HS3ST5: variants seen among roughly 807,000 people sequenced by gnomAD.
The protein encoded by HS3ST5 is heparan sulfate-glucosamine 3-sulfotransferase 5.
HS3ST5 carries 10 observed loss-of-function variants against 25.4 expected under a neutral mutation model. The ratio of observed to expected loss-of-function variants is 0.39; its 90% CI spans 0.24 to 0.67. The LOEUF (loss-of-function observed/expected upper bound fraction) is 0.67. Ranked by LOEUF, HS3ST5 falls within the 30% of genes least tolerant of loss-of-function variation. The pLI, the probability that HS3ST5 is intolerant of heterozygous loss-of-function variation, is 0.44. For missense variants in HS3ST5, 324 were observed against 420.7 expected, an observed-to-expected ratio of 0.77 and a Z score of 2.01; for synonymous variants, 170 against 162.4, an observed-to-expected ratio of 1.05 and a Z score of -0.36.
In HS3ST5 at chr6:114,329,328, G is replaced by A. The variant is rs943897063; in HGVS notation, c.-339+12867C>T. On this transcript the variant is annotated intron_variant, in intron 1 of 4. Transcript: ENST00000312719. ...AAATCAAAAGAAATTCATGGTGTTT[G>A]CATGTAATATTAATTTATCTAACTG... Among the ~76,000 whole-genome samples, 8 of 152,276 alleles carry A rather than the reference G, an allele frequency of 5.3e-5. No homozygotes were observed. In the East Asian group the frequency reaches 1.5e-3, roughly 29 times the overall value.
At chr6:114,073,218 G>A (rs1392142129) in intron 3 of HS3ST5, among the ~76,000 whole-genome samples, 3 of 152,278 alleles carry the variant, frequency 2.0e-5, no homozygotes, top group Middle Eastern at 3.4e-3. Context: ...TACCATTCAG[G>A]ACATAGGCAT....
chr6:114,104,135 A>G (rs550707226), intron 3 of HS3ST5, among the ~76,000 whole-genome samples: 20 of 152,294 alleles, frequency 1.3e-4, no homozygotes, highest in Non-Finnish European at 2.5e-4. Context: ...ATAAGCTACA[A>G]AAATCATGAC....
chr6:114,329,928 G>A (rs1259232671), intron 1 of HS3ST5, among the ~76,000 whole-genome samples: 1 of 152,098 alleles, frequency 6.6e-6, no homozygotes, highest in Admixed American at 6.6e-5. Context: ...TTTTTCAGAT[G>A]GAAATAATGA....
chr6:114,281,101 A>G (rs1398769960), intron 1 of HS3ST5, among the ~76,000 whole-genome samples: 4 of 152,004 alleles, frequency 2.6e-5, no homozygotes, highest in Non-Finnish European at 1.5e-5. Context: ...ATAAGAAGAT[A>G]TATTCTAGGA....
chr6:114,240,206 G>C (rs1772047274), intron 1 of HS3ST5, among the ~76,000 whole-genome samples: 1 of 152,104 alleles, frequency 6.6e-6, no homozygotes. Flanking sequence ...TCCCCTGCAC[G>C]CTTCCTGACC....
chr6:114,300,848 T>C (rs1035026885), intron 1 of HS3ST5, among the ~76,000 whole-genome samples: 5 of 152,186 alleles, frequency 3.3e-5, no homozygotes, highest in Admixed American at 3.3e-4. Flanking sequence ...ATGCATGCTA[T>C]AACAAGGGTG....
At chr6:114,182,379 T>C (rs1780013597) in intron 2 of HS3ST5, among the ~76,000 whole-genome samples, 1 of 152,176 alleles carries the variant, frequency 6.6e-6, no homozygotes, top group Non-Finnish European at 1.5e-5. Flanking sequence ...TTACTTTCTT[T>C]AAAAGGTCAG....
At chr6:114,252,906 G>C (rs1322783557) in intron 1 of HS3ST5, among the ~76,000 whole-genome samples, 2 of 152,016 alleles carry the variant, frequency 1.3e-5, no homozygotes, top group African/African-American at 4.8e-5. Flanking sequence ...TAAGTTAAAA[G>C]AAACAGGTAG....
chr6:114,292,218 T>G (rs1412226337), intron 1 of HS3ST5, among the ~76,000 whole-genome samples: 1 of 152,194 alleles, frequency 6.6e-6, no homozygotes, highest in East Asian at 1.9e-4. Context: ...AATCTCAGAC[T>G]GGGTAATTTA....
At chr6:114,323,337 A>G (rs962649577) in intron 1 of HS3ST5, among the ~76,000 whole-genome samples, 8 of 152,104 alleles carry the variant, frequency 5.3e-5, no homozygotes, top group Non-Finnish European at 8.8e-5. Context: ...ATTAAGGAGG[A>G]CTCATTTTGG....
intron 2 of HS3ST5, among the ~76,000 whole-genome samples, chr6:114,200,615 C>T (rs529032098): frequency 1.1e-4 from 16 of 152,096 alleles, no homozygotes; most frequent in Admixed American, 4.6e-4. Flanking sequence ...TGTTTGAGCT[C>T]CCCCAGCCCC....
At position 114,216,728 on chromosome 6, in the gene HS3ST5, TA is replaced by T. The variant is rs760077446; in HGVS notation, c.-145+11856del. 5.3e-3 allele frequency among the ~76,000 whole-genome samples: 479 copies of T among 90,148 alleles called. 2 individuals carry two copies. Among genetic ancestry groups the T allele is most frequent in the East Asian group, 0.019 (54 of 2,894 alleles). 59.1% of individuals were successfully genotyped at this position (90,148 alleles called of 152,430 possible). On this transcript the variant is annotated intron_variant, in intron 2 of 4. Coordinates refer to ENST00000312719, the MANE Select transcript of HS3ST5 (RefSeq NM_153612.4). ...AGATAGAGAACAGAATCGTCCTCCT[TA>T]AAAAAAAAAAAAAAAAAAAAAGGAA...
At chr6:114,099,466 C>T (rs1775619171) in intron 3 of HS3ST5, among the ~76,000 whole-genome samples, 1 of 152,012 alleles carries the variant, frequency 6.6e-6, no homozygotes, top group African/African-American at 2.4e-5. Flanking sequence ...ATTGTTTTTC[C>T]TTTAATCTGG....
intron 1 of HS3ST5, among the ~76,000 whole-genome samples, chr6:114,319,140 A>G (rs1360908565): frequency 6.6e-6 from 1 of 152,198 alleles, no homozygotes; most frequent in Admixed American, 6.6e-5. Flanking sequence ...ATACAAGTTT[A>G]CTTACATGTT....
intron 3 of HS3ST5, among the ~76,000 whole-genome samples, chr6:114,142,189 G>T (rs1005592460): frequency 1.3e-5 from 2 of 151,904 alleles, no homozygotes; most frequent in African/African-American, 2.4e-5. Context: ...TTATTTCAAG[G>T]ATAACAACTT....
At chr6:114,319,930 T>C (rs1562274836) in intron 1 of HS3ST5, among the ~76,000 whole-genome samples, 1 of 152,114 alleles carries the variant, frequency 6.6e-6, no homozygotes, top group Non-Finnish European at 1.5e-5. Flanking sequence ...CTCTCATCCT[T>C]TTTCATAACA....
chr6:114,103,857 A>ATTTTTTTTTTTTTTTTTTTTT (rs71553394), intron 3 of HS3ST5, among the ~76,000 whole-genome samples: 10 of 107,148 alleles, frequency 9.3e-5, no homozygotes, highest in East Asian at 2.6e-4. Context: ...CACCTGGCTA[A>ATTTTTTTTTTTTTTTTTTTTT]TTTTTTTTTT....
rs760742598 is a variant in HS3ST5 at position 114,057,836 on chromosome 6, T to C, written c.462A>G (p.Glu154=). Residue 154 remains glutamate, a synonymous_variant, in exon 5 of 5, where the codon GAA becomes GAG. Coordinates refer to ENST00000312719, the MANE Select transcript of HS3ST5 (RefSeq NM_153612.4). ...PFSYPQQITI[E]KSPAYFITEE... The stretch of plus-strand genomic sequence containing the variant: ...CTGTGATAAAATATGCTGGGCTCTT[T>C]TCAATTGTGATTTGCTGAGGGTAGG... 3 of 1,614,174 alleles carry C rather than the reference T, an allele frequency of 1.9e-6. No homozygotes were observed. The South Asian group carries it at 3.3e-5, about 18-fold the overall frequency.
chr6:114,336,581 T>C (rs912554979), intron 1 of HS3ST5, among the ~76,000 whole-genome samples: 2 of 152,222 alleles, frequency 1.3e-5, no homozygotes, highest in Non-Finnish European at 2.9e-5. Flanking sequence ...CACTGCAGCC[T>C]GGGTGACAGA....
Sources: gnomAD v4.1 joint callset for allele counts (sites outside exome capture counted in the v4.1 genomes callset) on GRCh38, gnomAD v4.1.1 for gene constraint, MANE v1.5 for transcripts, NCBI Gene and HGNC (gene_info 2026-07-23, HGNC 2026-07-21) for gene names.